C12orf42: variants seen among roughly 807,000 people sequenced by gnomAD.
C12orf42 encodes the protein chromosome 12 open reading frame 42.
C12orf42 carries 25 observed loss-of-function variants against 21.6 expected under a neutral mutation model. The observed-to-expected ratio is 1.16, with a 90% CI of 0.84 to 1.62. C12orf42 has a LOEUF of 1.62. C12orf42 is among the 40% of genes most tolerant of loss of function. C12orf42 has a pLI of 0.00. For synonymous variants in C12orf42, 174 were observed against 175.0 expected (o/e 0.99, Z 0.05); for missense variants, 483 against 459.3 (o/e 1.05, Z -0.47).
chr12:103,185,586 T>C, the C12orf42 span, among the ~76,000 whole-genome samples: 1 of 152,148 alleles, frequency 6.6e-6, no homozygotes, highest in Non-Finnish European at 1.5e-5. Flanking sequence ...GGTTTGACTC[T>C]ATGTTCCCAC....
intron 1 of C12orf42, among the ~76,000 whole-genome samples, chr12:103,491,987 C>T (rs1044107145): frequency 7.2e-5 from 11 of 151,982 alleles, no homozygotes; most frequent in Non-Finnish European, 1.3e-4. Flanking sequence ...GATAGAGTCT[C>T]ACTCTGTCAC....
chr12:103,444,691 C>T (rs1477247672), intron 2 of C12orf42, among the ~76,000 whole-genome samples: 1 of 152,018 alleles, frequency 6.6e-6, no homozygotes, highest in South Asian at 2.1e-4. Flanking sequence ...ATTAGTTTCT[C>T]CATATAAGAT....
intron 1 of C12orf42, among the ~76,000 whole-genome samples, chr12:103,481,772 T>C (rs1394267583): frequency 6.6e-6 from 1 of 151,460 alleles, no homozygotes; most frequent in Non-Finnish European, 1.5e-5. Flanking sequence ...TTTCTACTTA[T>C]CTACGTGTCC....
chr12:103,159,402 T>C, the C12orf42 span: 1 of 152,198 alleles, frequency 6.6e-6, no homozygotes, highest in Non-Finnish European at 1.5e-5. Context: ...TACTAGACGT[T>C]CTATGTATTG....
At chr12:103,371,236 T>G (rs377415793) in intron 3 of C12orf42, among the ~76,000 whole-genome samples, 16 of 152,094 alleles carry the variant, frequency 1.1e-4, no homozygotes, top group African/African-American at 3.4e-4. Flanking sequence ...AGGAAAAGGT[T>G]TGTGCCTCAA....
chr12:103,067,824 T>A, the C12orf42 span, among the ~76,000 whole-genome samples: 1 of 152,078 alleles, frequency 6.6e-6, no homozygotes, highest in African/African-American at 2.4e-5. Flanking sequence ...AGGAATTAGA[T>A]TGTTGGTTGT....
At chr12:103,478,015 G>T in intron 2 of C12orf42, 1 of 196,966 alleles carries the variant, frequency 5.1e-6, no homozygotes, top group Non-Finnish European at 1.0e-5. Flanking sequence ...AACAATACCA[G>T]CAGCTTTAAA....
At chr12:103,258,946 T>C (rs1048471587) in intron 10 of C12orf42, among the ~76,000 whole-genome samples, 10 of 152,162 alleles carry the variant, frequency 6.6e-5, no homozygotes, top group African/African-American at 2.2e-4. Flanking sequence ...CCCACTAATA[T>C]GCTGATCATA....
At chr12:103,169,013 G>A in the C12orf42 span, among the ~76,000 whole-genome samples, 369 of 152,102 alleles carry the variant, frequency 2.4e-3, no homozygotes, top group Admixed American at 3.8e-3. Flanking sequence ...CCTGTTGGGG[G>A]ATGGGAGACA....
chr12:103,448,502 A>C lies in C12orf42; in HGVS notation c.78+29847T>G, dbSNP rs918585110. Among the ~76,000 whole-genome samples the C allele has an allele frequency of 3.3e-5, 5 of 152,090 alleles. No homozygotes were observed. The East Asian group carries it at 9.6e-4, about 29-fold the overall frequency. ...GAAATAATCAGCAGAGTTAAGAGAA[A>C]ACCCACAGAGTGAGAGAAAATCTTC... On this transcript the variant is annotated intron_variant, in intron 2 of 5. Coordinates refer to ENST00000548883, the MANE Select transcript of C12orf42 (RefSeq NM_198521.5).
chr12:103,116,396 A>G, the C12orf42 span, among the ~76,000 whole-genome samples: 1 of 147,556 alleles, frequency 6.8e-6, no homozygotes, highest in East Asian at 1.9e-4. Flanking sequence ...ATATATATAT[A>G]TATGTATACA....
the C12orf42 span, among the ~76,000 whole-genome samples, chr12:103,085,176 A>G: frequency 1.3e-5 from 2 of 152,232 alleles, no homozygotes; most frequent in Admixed American, 1.3e-4. Flanking sequence ...TACATTGGAA[A>G]ATAGATACAT....
the C12orf42 span, among the ~76,000 whole-genome samples, chr12:103,207,750 T>C: frequency 1.3e-3 from 191 of 152,302 alleles, 2 homozygotes; most frequent in East Asian, 7.5e-3. Context: ...TCTGGGCCTA[T>C]CACTTAAAAC....
rs1302360832 is a variant in C12orf42, at chr12:103,369,051, G to A, written c.148-53C>T. The A allele has an allele frequency of 4.4e-6, 4 of 910,370 alleles. No homozygotes were observed. The African/African-American group carries it at 6.7e-5, about 15-fold the overall frequency. 56.4% of individuals were successfully genotyped at this position (910,370 alleles called of 1,614,324 possible). ...CAAAAAAATTAGGTCAATGGCTCCAGAATAATTCATGCCACCTAGCACTCT... is the reference window on the plus strand; with the variant it reads ...CAAAAAAATTAGGTCAATGGCTCCAAAATAATTCATGCCACCTAGCACTCT... On this transcript the variant is annotated intron_variant, in intron 3 of 5. Coordinates refer to ENST00000548883, the MANE Select transcript of C12orf42 (RefSeq NM_198521.5).
the C12orf42 span, among the ~76,000 whole-genome samples, chr12:103,154,025 CAAAA>C: frequency 0.024 from 1,265 of 51,640 alleles, 6 homozygotes; most frequent in African/African-American, 0.079. Context: ...CAAATCTCAG[CAAAA>C]AAAAAAAAAA....
intron 10 of C12orf42, among the ~76,000 whole-genome samples, chr12:103,245,998 G>A (rs1593200609): frequency 6.6e-6 from 1 of 152,198 alleles, no homozygotes; most frequent in South Asian, 2.1e-4. Context: ...GGTGACAGAT[G>A]TGAATTAGTC....
chr12:103,387,961 T>G (rs1415480654), intron 3 of C12orf42, among the ~76,000 whole-genome samples: 1 of 152,226 alleles, frequency 6.6e-6, no homozygotes, highest in Non-Finnish European at 1.5e-5. Context: ...CAACTTGCAG[T>G]AAACAATTTA....
intron 2 of C12orf42, chr12:103,472,117 T>G (rs1462683812): frequency 7.5e-6 from 1 of 134,010 alleles, no homozygotes; most frequent in East Asian, 2.2e-4. Flanking sequence ...TGCAGTGGTG[T>G]GATCTCGGCT....
chr12:103,260,769 T>C (rs1320995550), intron 10 of C12orf42, among the ~76,000 whole-genome samples: 1 of 152,200 alleles, frequency 6.6e-6, no homozygotes, highest in Non-Finnish European at 1.5e-5. Flanking sequence ...TTGCATAGTT[T>C]ATCCAGAAAC....
Sources: allele counts gnomAD v4.1 joint callset (sites outside exome capture counted in the v4.1 genomes callset), GRCh38; gene constraint gnomAD v4.1.1; transcripts MANE v1.5; gene names NCBI Gene and HGNC (gene_info 2026-07-23, HGNC 2026-07-21).